Variants in LRRIQ3 observed in about 807,000 individuals in gnomAD.
LRRIQ3 encodes leucine rich repeats and IQ motif containing 3, also known as leucine-rich repeat and IQ domain-containing protein 3.
In LRRIQ3, 75 loss-of-function variants were observed where a neutral mutation model predicts 59.3. That is an observed-to-expected ratio of 1.26 (90% CI 1.05 to 1.53). The LOEUF is 1.53. Ranked by LOEUF, LRRIQ3 falls within the 40% of genes most tolerant of loss-of-function variation. The pLI is 0.00. For synonymous variants in LRRIQ3, 250 were observed against 231.3 expected (o/e 1.08, Z -0.73); for missense variants, 831 against 710.0 (o/e 1.17, Z -1.94).
chr1:74,026,878 T>C lies in LRRIQ3; in HGVS notation c.1810A>G (p.Lys604Glu). Residue 604 changes from lysine to glutamate, a missense_variant, in exon 8 of 8, where the codon AAA becomes GAA. Transcript: ENST00000354431. Reference protein sequence around the residue: ...EKACERLQDAKTKVAIVKTNL... With the variant: ...EKACERLQDAETKVAIVKTNL... ...GTTTTCACAATTGCTACTTTTGTTT[T>C]AGCATCTTGAAGTCTTTCACAGGCT... is the stretch of plus-strand genomic sequence containing the variant. 6.2e-7 allele frequency: 1 copy of C among 1,608,568 alleles called. No homozygotes were observed. The highest frequency in any genetic ancestry group is 1.7e-4 in the Middle Eastern group (1 of 6,024).
chr1:74,044,421 C>A (rs902780144), intron 6 of LRRIQ3, among the ~76,000 whole-genome samples: 1 of 152,034 alleles, frequency 6.6e-6, no homozygotes, highest in Non-Finnish European at 1.5e-5. Context: ...AAGTCTGGCA[C>A]CTCTGTCTTC....
chr1:74,047,662 G>A (rs1312472046), intron 6 of LRRIQ3, among the ~76,000 whole-genome samples: 1 of 152,066 alleles, frequency 6.6e-6, no homozygotes, highest in Non-Finnish European at 1.5e-5. Flanking sequence ...CACACAGCCA[G>A]AAGGCACCAT....
intron 5 of LRRIQ3, among the ~76,000 whole-genome samples, chr1:74,101,636 A>C (rs965571933): frequency 2.6e-5 from 4 of 152,202 alleles, no homozygotes; most frequent in Non-Finnish European, 4.4e-5. Flanking sequence ...ACTATTCACA[A>C]TAGCAAAGAC....
At chr1:74,172,544 G>A (rs1649389321) in intron 3 of LRRIQ3, among the ~76,000 whole-genome samples, 1 of 152,136 alleles carries the variant, frequency 6.6e-6, no homozygotes, top group Non-Finnish European at 1.5e-5. Flanking sequence ...TGAAAGGAAT[G>A]TATATTATAT....
intron 6 of LRRIQ3, among the ~76,000 whole-genome samples, chr1:74,042,860 T>C (rs1177111601): frequency 6.6e-6 from 1 of 152,062 alleles, no homozygotes; most frequent in Non-Finnish European, 1.5e-5. Flanking sequence ...GAGATTGTTT[T>C]AAGAAACAAT....
At chr1:74,044,219 G>A (rs1654131675) in intron 6 of LRRIQ3, among the ~76,000 whole-genome samples, 1 of 152,012 alleles carries the variant, frequency 6.6e-6, no homozygotes, top group African/African-American at 2.4e-5. Context: ...AGTTTGGTTT[G>A]TGCAGCAATG....
At chr1:74,158,052 T>A (rs1648445795) in intron 3 of LRRIQ3, among the ~76,000 whole-genome samples, 1 of 152,154 alleles carries the variant, frequency 6.6e-6, no homozygotes. Context: ...TCTCTCTTTT[T>A]TTATGCTTCC....
intron 3 of LRRIQ3, among the ~76,000 whole-genome samples, chr1:74,168,176 T>C (rs919420394): frequency 2.0e-5 from 3 of 152,104 alleles, no homozygotes; most frequent in Non-Finnish European, 4.4e-5. Flanking sequence ...GTCTAGTTGA[T>C]AGAGAGAAGT....
chr1:74,147,530 C>T (rs761791898), intron 4 of LRRIQ3, among the ~76,000 whole-genome samples: 1 of 152,060 alleles, frequency 6.6e-6, no homozygotes, highest in Non-Finnish European at 1.5e-5. Flanking sequence ...CTAATCATTT[C>T]AGAAGAGCTT....
chr1:74,073,469 C>T (rs1237578923), intron 6 of LRRIQ3, among the ~76,000 whole-genome samples: 1 of 152,004 alleles, frequency 6.6e-6, no homozygotes, highest in East Asian at 1.9e-4. Context: ...CATAATCACT[C>T]CACTGCACTC....
In LRRIQ3 at chr1:74,041,735, C is replaced by T. The variant is rs202037480; in HGVS notation, c.1196G>A (p.Arg399Gln). ...HPKPIIKKDI[R>Q]LERSMKEFFA... is the part of the protein sequence containing the mutation. ...AAACTCTTTCATACTCCGCTCCAAT[C>T]GTATGTCTTTTTTAATGATTGGCTT... Residue 399 changes from arginine to glutamine, a missense_variant, in exon 7 of 8, where the codon CGA (arginine) becomes CAA (glutamine). Arg to Gln is a conservative substitution (Grantham distance 43). Transcript: ENST00000354431. 1.5e-5 allele frequency: 24 copies of T among 1,613,560 alleles called. No homozygotes were observed. Among genetic ancestry groups the T allele is most frequent in the African/African-American group, 9.3e-5 (7 of 74,996 alleles).
intron 5 of LRRIQ3, among the ~76,000 whole-genome samples, chr1:74,102,869 C>A (rs575601496): frequency 2.0e-5 from 3 of 151,978 alleles, no homozygotes; most frequent in Non-Finnish European, 4.4e-5. Context: ...TGGCTTGAAA[C>A]CTTTCTTATC....
At chr1:74,066,494 A>G (rs1654870848) in intron 6 of LRRIQ3, among the ~76,000 whole-genome samples, 1 of 151,172 alleles carries the variant, frequency 6.6e-6, no homozygotes, top group Admixed American at 6.7e-5. Context: ...TTTCAGTTCT[A>G]TGGGTATATG....
At chr1:74,062,125 C>T (rs1203139659) in intron 6 of LRRIQ3, among the ~76,000 whole-genome samples, 1 of 152,036 alleles carries the variant, frequency 6.6e-6, no homozygotes, top group Admixed American at 6.6e-5. Context: ...AAACAGACAA[C>T]CTACAGAATG....
intron 5 of LRRIQ3, chr1:74,082,421 A>G (rs988670440): frequency 1.3e-5 from 2 of 151,582 alleles, no homozygotes; most frequent in Non-Finnish European, 3.0e-5. Context: ...TGCAATTCTG[A>G]AAAGTTCATA....
At chr1:74,139,003 G>A (rs1647177242) in intron 4 of LRRIQ3, among the ~76,000 whole-genome samples, 2 of 150,178 alleles carry the variant, frequency 1.3e-5, no homozygotes, top group African/African-American at 2.5e-5. Context: ...ACAAGACCCT[G>A]TCTCTACAAA....
rs201361860 is a variant in LRRIQ3 at position 74,041,339 on chromosome 1, C to A, written c.1592G>T (p.Gly531Val). 2.5e-5 allele frequency: 41 copies of A among 1,613,650 alleles called. No individual in the cohort carries two copies. The highest frequency in any genetic ancestry group is 1.2e-4 in the Admixed American group (7 of 59,946). Reference protein sequence around the residue: ...LNNERTLLTRGLLKIDRLEKN... With the variant: ...LNNERTLLTRVLLKIDRLEKN... ...CTCCAGTCTGTCAATTTTAAGTAGT[C>A]CTCTGGTCAAAAGAGTGCGCTCATT... is the stretch of plus-strand genomic sequence containing the variant. Residue 531 changes from glycine (G) to valine (V), a missense_variant, in exon 7 of 8, where the codon GGA becomes GTA. Coordinates refer to ENST00000354431, the MANE Select transcript of LRRIQ3 (RefSeq NM_001105659.2).
chr1:74,146,492 T>G (rs1647577567), intron 4 of LRRIQ3, among the ~76,000 whole-genome samples: 1 of 152,142 alleles, frequency 6.6e-6, no homozygotes, highest in Non-Finnish European at 1.5e-5. Context: ...TAGAATGAAC[T>G]GATCGATAAA....
rs140690572 is a variant in LRRIQ3, at chr1:74,112,594, A to T, written c.708-3041T>A. The stretch of plus-strand genomic sequence containing the variant: ...AGAACAATCAACCAGCAATTAGTGG[A>T]GGTTGACACTGGGTTTGATACTAAA... On this transcript the variant is annotated intron_variant, in intron 4 of 7. Transcript: ENST00000354431. Among the ~76,000 whole-genome samples the T allele has an allele frequency of 1.1e-3, 164 of 152,252 alleles. 2 individuals are homozygous for T. Among genetic ancestry groups the T allele is most frequent in the Non-Finnish European group, 7.4e-4 (50 of 68,008 alleles).
Sources: allele counts gnomAD v4.1 joint callset (sites outside exome capture counted in the v4.1 genomes callset), GRCh38; gene constraint gnomAD v4.1.1; transcripts MANE v1.5; gene names NCBI Gene and HGNC (gene_info 2026-07-23, HGNC 2026-07-21).